PABPC4L: variants seen among roughly 807,000 people sequenced by gnomAD.
PABPC4L encodes poly(A) binding protein cytoplasmic 4 like.
For missense variants in PABPC4L, 452 were observed against 451.4 expected, an observed-to-expected ratio of 1.00 and a Z score of -0.01; for synonymous variants, 169 against 164.1, an observed-to-expected ratio of 1.03 and a Z score of -0.23.
At chr4:134,104,835 C>T in the PABPC4L span, among the ~76,000 whole-genome samples, 1 of 151,660 alleles carries the variant, frequency 6.6e-6, no homozygotes, top group Admixed American at 6.6e-5. Flanking sequence ...ATACCTACTG[C>T]ACAATTATCT....
chr4:134,026,799 G>T, the PABPC4L span, among the ~76,000 whole-genome samples: 1 of 152,102 alleles, frequency 6.6e-6, no homozygotes, highest in Non-Finnish European at 1.5e-5. Flanking sequence ...AAACATACAG[G>T]GAAATTTTCT....
the PABPC4L span, among the ~76,000 whole-genome samples, chr4:134,155,458 G>C: frequency 1.4e-5 from 2 of 139,878 alleles, no homozygotes; most frequent in Non-Finnish European, 3.1e-5. Flanking sequence ...AAAACATACT[G>C]TCATATACAC....
chr4:133,971,638 G>A, the PABPC4L span, among the ~76,000 whole-genome samples: 1 of 152,190 alleles, frequency 6.6e-6, no homozygotes, highest in Non-Finnish European at 1.5e-5. Flanking sequence ...ACATTGTCTG[G>A]TCCTATCTAT....
chr4:134,183,355 A>C, the PABPC4L span, among the ~76,000 whole-genome samples: 1 of 151,918 alleles, frequency 6.6e-6, no homozygotes, highest in African/African-American at 2.4e-5. Flanking sequence ...GTAAAGCATA[A>C]ACAGAAAACC....
the PABPC4L span, among the ~76,000 whole-genome samples, chr4:134,156,194 G>A: frequency 6.6e-6 from 1 of 151,808 alleles, no homozygotes; most frequent in Non-Finnish European, 1.5e-5. Flanking sequence ...TAGTTTTAAG[G>A]TCCTCTTTGT....
the PABPC4L span, among the ~76,000 whole-genome samples, chr4:133,990,133 C>T: frequency 7.2e-5 from 11 of 152,230 alleles, no homozygotes; most frequent in East Asian, 2.1e-3. Flanking sequence ...TCATATCATA[C>T]TTCATTTTTC....
At chr4:134,076,194 T>C in the PABPC4L span, among the ~76,000 whole-genome samples, 7 of 152,092 alleles carry the variant, frequency 4.6e-5, no homozygotes, top group Non-Finnish European at 7.4e-5. Flanking sequence ...ATCAGAATTA[T>C]GACACTTCAA....
chr4:134,158,750 A>G, the PABPC4L span, among the ~76,000 whole-genome samples: 1 of 152,126 alleles, frequency 6.6e-6, no homozygotes, highest in Non-Finnish European at 1.5e-5. Context: ...CAGAATATAA[A>G]TATGGTCATG....
At chr4:133,957,051 C>T in the PABPC4L span, among the ~76,000 whole-genome samples, 1 of 152,148 alleles carries the variant, frequency 6.6e-6, no homozygotes, top group Non-Finnish European at 1.5e-5. Flanking sequence ...ATCATGTTCT[C>T]ACATTTCAAA....
the PABPC4L span, among the ~76,000 whole-genome samples, chr4:134,064,803 G>A: frequency 3.3e-5 from 5 of 151,958 alleles, no homozygotes; most frequent in South Asian, 4.1e-4. Flanking sequence ...CTTTGTGTCC[G>A]TATGTACTCA....
the PABPC4L span, among the ~76,000 whole-genome samples, chr4:134,055,503 G>A: frequency 6.6e-6 from 1 of 151,874 alleles, no homozygotes; most frequent in African/African-American, 2.4e-5. Context: ...TGGACATCTA[G>A]CCTCCAGAGC....
At chr4:134,183,771 T>A in the PABPC4L span, among the ~76,000 whole-genome samples, 1 of 151,812 alleles carries the variant, frequency 6.6e-6, no homozygotes, top group Non-Finnish European at 1.5e-5. Flanking sequence ...CTACACAAAA[T>A]CTATAAAATA....
chr4:134,176,128 T>A, the PABPC4L span, among the ~76,000 whole-genome samples: 27 of 152,296 alleles, frequency 1.8e-4, no homozygotes, highest in African/African-American at 6.5e-4. Flanking sequence ...TTGCATAAAC[T>A]ATTTCTTTAA....
At chr4:134,147,812 A>C in the PABPC4L span, among the ~76,000 whole-genome samples, 1 of 151,490 alleles carries the variant, frequency 6.6e-6, no homozygotes, top group Admixed American at 6.6e-5. Flanking sequence ...TTTGAATGCA[A>C]TTAATTGGTT....
rs1183679502 is a variant in PABPC4L, at chr4:134,198,251, G to A, written c.*1656C>T. On this transcript the variant is annotated 3_prime_UTR_variant, in exon 2 of 2. Coordinates refer to ENST00000421491, the MANE Select transcript of PABPC4L (RefSeq NM_001114734.2). ...TCTTAAATTACCTAGGTGTATATATGTAGAGAGAGAAAAAAATAGAAAAAT... is the reference window on the plus strand; with the variant it reads ...TCTTAAATTACCTAGGTGTATATATATAGAGAGAGAAAAAAATAGAAAAAT... 3 of 151,510 alleles carry A rather than the reference G, an allele frequency of 2.0e-5. No homozygotes were observed. Among genetic ancestry groups the A allele is most frequent in the African/African-American group, 7.3e-5 (3 of 41,376 alleles). 9.4% of individuals were successfully genotyped at this position (151,510 alleles called of 1,614,324 possible). A position where few individuals can be genotyped will look rare whatever the true frequency, so the allele number is the denominator to read the frequency against.
the PABPC4L span, among the ~76,000 whole-genome samples, chr4:134,057,600 G>A: frequency 6.6e-6 from 1 of 152,044 alleles, no homozygotes; most frequent in African/African-American, 2.4e-5. Flanking sequence ...TCCTGACTCA[G>A]CCTTTTCTGA....
the PABPC4L span, among the ~76,000 whole-genome samples, chr4:133,967,212 A>G: frequency 6.6e-6 from 1 of 152,070 alleles, no homozygotes; most frequent in East Asian, 1.9e-4. Context: ...TGGCCCATGC[A>G]TGTAATCCCA....
chr4:134,165,912 A>C, the PABPC4L span, among the ~76,000 whole-genome samples: 6 of 152,192 alleles, frequency 3.9e-5, no homozygotes, highest in African/African-American at 1.4e-4. Context: ...TGGATTAAAA[A>C]AATGTGGTAT....
chr4:133,966,545 G>T, the PABPC4L span, among the ~76,000 whole-genome samples: 3 of 152,104 alleles, frequency 2.0e-5, no homozygotes, highest in African/African-American at 7.2e-5. Flanking sequence ...GCAAAATCGT[G>T]GAACCAACCC....
Sources: allele counts gnomAD v4.1 joint callset (sites outside exome capture counted in the v4.1 genomes callset), GRCh38; gene constraint gnomAD v4.1.1; transcripts MANE v1.5; gene names NCBI Gene and HGNC (gene_info 2026-07-23, HGNC 2026-07-21).